The following SPAG16 variants were observed in gnomAD, a reference collection of about 807,000 sequenced individuals.
SPAG16 encodes the protein sperm associated antigen 16.
In SPAG16, 86 loss-of-function variants were observed where a neutral mutation model predicts 80.4. That is an observed-to-expected ratio of 1.07 (90% CI 0.90 to 1.28). The LOEUF (loss-of-function observed/expected upper bound fraction) is 1.28. SPAG16 is among the 50% of genes most tolerant of loss of function. The pLI is 0.00. For synonymous variants in SPAG16, 294 were observed against 265.9 expected (o/e 1.11, Z -1.03); for missense variants, 870 against 765.3 (o/e 1.14, Z -1.61).
chr2:213,893,549 T>G lies in SPAG16; in HGVS notation c.1214+30921T>G, dbSNP rs1481253614. On this transcript the variant is annotated intron_variant, in intron 11 of 15. Coordinates refer to ENST00000331683, the MANE Select transcript of SPAG16 (RefSeq NM_024532.5). Reference sequence around the variant, plus strand: ...GATATGTAATATAAAATATGTAAACTAACACAACAAAGAGCCAAAATGTAT... The same window carrying G: ...GATATGTAATATAAAATATGTAAACGAACACAACAAAGAGCCAAAATGTAT... 2.6e-5 allele frequency among the ~76,000 whole-genome samples: 4 copies of G among 152,138 alleles called. No individual in the cohort carries two copies. The East Asian group carries it at 7.7e-4, about 29-fold the overall frequency.
intron 15 of SPAG16, among the ~76,000 whole-genome samples, chr2:214,292,043 G>T (rs538267020): frequency 2.6e-5 from 4 of 151,382 alleles, no homozygotes; most frequent in Admixed American, 1.3e-4. Flanking sequence ...TGGGAAGTTT[G>T]TTTTTTTTTA....
chr2:213,873,190 G>A (rs1030686119), intron 11 of SPAG16, among the ~76,000 whole-genome samples: 30 of 151,890 alleles, frequency 2.0e-4, no homozygotes, highest in African/African-American at 7.0e-4. Flanking sequence ...TCTGGTCTTG[G>A]GCTTTTCTTT....
intron 9 of SPAG16, among the ~76,000 whole-genome samples, chr2:213,432,496 T>G (rs890833312): frequency 1.3e-5 from 2 of 151,800 alleles, no homozygotes; most frequent in Non-Finnish European, 2.9e-5. Flanking sequence ...CTAGAGTAAA[T>G]GGCTAAATTC....
intron 7 of SPAG16, among the ~76,000 whole-genome samples, chr2:213,358,899 T>C (rs2065823130): frequency 6.6e-6 from 1 of 152,242 alleles, no homozygotes; most frequent in Non-Finnish European, 1.5e-5. Context: ...TGTGGTTTTA[T>C]CTACCTTTGG....
At chr2:213,836,443 T>G (rs2125740000) in intron 10 of SPAG16, among the ~76,000 whole-genome samples, 1 of 152,254 alleles carries the variant, frequency 6.6e-6, no homozygotes, top group African/African-American at 2.4e-5. Context: ...AACATTGCTG[T>G]TATTATTTTG....
intron 15 of SPAG16, among the ~76,000 whole-genome samples, chr2:214,299,951 A>G (rs958675269): frequency 5.3e-5 from 8 of 152,186 alleles, no homozygotes; most frequent in African/African-American, 1.9e-4. Flanking sequence ...GTACAAGGCC[A>G]TTTTTAAGGG....
intron 10 of SPAG16, among the ~76,000 whole-genome samples, chr2:213,697,988 C>T (rs2065235164): frequency 6.6e-6 from 1 of 152,114 alleles, no homozygotes; most frequent in African/African-American, 2.4e-5. Flanking sequence ...CTCTCGTCAA[C>T]TTCTTTTTTC....
chr2:213,518,967 G>T (rs537871185), intron 10 of SPAG16, among the ~76,000 whole-genome samples: 1 of 152,168 alleles, frequency 6.6e-6, no homozygotes, highest in East Asian at 1.9e-4. Flanking sequence ...AATTAATGCA[G>T]GAATTTAAAA....
intron 9 of SPAG16, among the ~76,000 whole-genome samples, chr2:213,415,481 T>G (rs2069199707): frequency 6.6e-6 from 1 of 152,190 alleles, no homozygotes; most frequent in Non-Finnish European, 1.5e-5. Context: ...AAGTTGGGAA[T>G]AAATGCAGCA....
chr2:213,531,790 T>G (rs745331746), intron 10 of SPAG16, among the ~76,000 whole-genome samples: 13 of 152,180 alleles, frequency 8.5e-5, no homozygotes, highest in Admixed American at 2.6e-4. Flanking sequence ...AATTTTTCTG[T>G]AATTTTATTC....
intron 9 of SPAG16, among the ~76,000 whole-genome samples, chr2:213,404,025 G>T (rs1019276427): frequency 2.6e-5 from 4 of 152,024 alleles, no homozygotes; most frequent in African/African-American, 7.3e-5. Context: ...TCTTCAAGGA[G>T]AACTAAAAAC....
At chr2:214,315,199 G>A (rs1474251788) in intron 15 of SPAG16, among the ~76,000 whole-genome samples, 1 of 152,136 alleles carries the variant, frequency 6.6e-6, no homozygotes, top group Non-Finnish European at 1.5e-5. Context: ...GTCATCTTGA[G>A]TGACACCAAA....
intron 13 of SPAG16, among the ~76,000 whole-genome samples, chr2:214,068,970 A>G (rs2050656513): frequency 6.6e-6 from 1 of 152,140 alleles, no homozygotes; most frequent in Non-Finnish European, 1.5e-5. Context: ...GTTGCATTAT[A>G]TATACTCTAA....
chr2:213,308,887 T>C (rs995240293), intron 3 of SPAG16, among the ~76,000 whole-genome samples: 1 of 152,132 alleles, frequency 6.6e-6, no homozygotes, highest in Non-Finnish European at 1.5e-5. Flanking sequence ...TTAACAAATA[T>C]AAAGTTCCAA....
intron 15 of SPAG16, among the ~76,000 whole-genome samples, chr2:214,220,794 C>A (rs1473550720): frequency 6.6e-6 from 1 of 152,038 alleles, no homozygotes; most frequent in Non-Finnish European, 1.5e-5. Context: ...ATAAAATTAA[C>A]ATGGTTAAAA....
intron 15 of SPAG16, among the ~76,000 whole-genome samples, chr2:214,203,933 G>T (rs2058077067): frequency 6.6e-6 from 1 of 152,166 alleles, no homozygotes; most frequent in South Asian, 2.1e-4. Flanking sequence ...GGTTGTTGGA[G>T]CAAGTTCTCA....
chr2:213,731,997 T>G (rs770446124), intron 10 of SPAG16, among the ~76,000 whole-genome samples: 1 of 152,236 alleles, frequency 6.6e-6, no homozygotes, highest in African/African-American at 2.4e-5. Context: ...CCTGTGCCTA[T>G]GTTCTGAATG....
At chr2:213,297,210 T>C in intron 2 of SPAG16, 52 bp from the exon 3 acceptor site, 2 of 1,507,618 alleles carry the variant, frequency 1.3e-6, no homozygotes, top group Non-Finnish European at 1.8e-6. Context: ...TGAAATAAAG[T>C]ATTTTATATT....
intron 8 of SPAG16, among the ~76,000 whole-genome samples, chr2:213,374,396 A>T (rs980260569): frequency 2.0e-5 from 3 of 152,212 alleles, no homozygotes; most frequent in Non-Finnish European, 4.4e-5. Context: ...TACTGTTTAG[A>T]AATACAAGTG....
Sources: gnomAD v4.1 joint callset for allele counts (sites outside exome capture counted in the v4.1 genomes callset) on GRCh38, gnomAD v4.1.1 for gene constraint, MANE v1.5 for transcripts, NCBI Gene and HGNC (gene_info 2026-07-23, HGNC 2026-07-21) for gene names.